CSTPP1: variants seen among roughly 807,000 people sequenced by gnomAD.
The protein encoded by CSTPP1 is centriolar satellite-associated tubulin polyglutamylase complex regulator 1, also known as UPF0705 protein C11orf49.
At chr11:47,041,421 C>T in the CSTPP1 span, 46 of 266,932 alleles carry the variant, frequency 1.7e-4, 8 homozygotes, top group South Asian at 1.2e-3. Context: ...GAGGACAGCA[C>T]GTCTGTGTTC....
the CSTPP1 span, among the ~76,000 whole-genome samples, chr11:47,115,313 A>C: frequency 2.6e-5 from 4 of 152,272 alleles, no homozygotes; most frequent in South Asian, 8.3e-4. Flanking sequence ...TGTCTCTGCC[A>C]GGCTTTGGTA....
the CSTPP1 span, among the ~76,000 whole-genome samples, chr11:47,030,481 A>G: frequency 6.6e-6 from 1 of 152,228 alleles, no homozygotes; most frequent in Non-Finnish European, 1.5e-5. Flanking sequence ...CTATTTATAT[A>G]TAGATCCAGT....
the CSTPP1 span, among the ~76,000 whole-genome samples, chr11:46,974,146 T>A: frequency 6.6e-6 from 1 of 152,098 alleles, no homozygotes; most frequent in African/African-American, 2.4e-5. Flanking sequence ...GGCAGGAGGA[T>A]TCCTTGAGCC....
chr11:46,941,197 G>C, the CSTPP1 span, among the ~76,000 whole-genome samples: 1 of 152,116 alleles, frequency 6.6e-6, no homozygotes, highest in Non-Finnish European at 1.5e-5. Flanking sequence ...CCTCAGCATG[G>C]TCACACCCCT....
chr11:46,979,860 C>T, the CSTPP1 span, among the ~76,000 whole-genome samples: 1 of 152,114 alleles, frequency 6.6e-6, no homozygotes, highest in Admixed American at 6.5e-5. Flanking sequence ...TTGCAGTGAG[C>T]CGCGATCACG....
chr11:47,129,596 T>A, the CSTPP1 span, among the ~76,000 whole-genome samples: 1 of 152,198 alleles, frequency 6.6e-6, no homozygotes, highest in East Asian at 1.9e-4. Context: ...CCCATCGTGA[T>A]GAACAGACCC....
the CSTPP1 span, among the ~76,000 whole-genome samples, chr11:47,124,972 CA>C: frequency 6.6e-6 from 1 of 152,078 alleles, no homozygotes; most frequent in African/African-American, 2.4e-5. Context: ...GATCCTTTAC[CA>C]GGAAACCATA....
chr11:47,117,992 G>A, the CSTPP1 span, among the ~76,000 whole-genome samples: 1 of 145,452 alleles, frequency 6.9e-6, no homozygotes, highest in African/African-American at 2.5e-5. Context: ...CAATTCTCCT[G>A]CCTCAGCCTC....
At chr11:46,949,457 G>C in the CSTPP1 span, among the ~76,000 whole-genome samples, 4 of 151,222 alleles carry the variant, frequency 2.6e-5, no homozygotes, top group Non-Finnish European at 5.9e-5. Flanking sequence ...TTCTTTTCAA[G>C]GGTATATTTA....
the CSTPP1 span, among the ~76,000 whole-genome samples, chr11:47,030,682 C>T: frequency 1.3e-5 from 2 of 152,098 alleles, no homozygotes; most frequent in Non-Finnish European, 2.9e-5. Flanking sequence ...CATCCTCCAC[C>T]CTCCAATAGG....
chr11:47,007,573 T>C, the CSTPP1 span, among the ~76,000 whole-genome samples: 2 of 152,336 alleles, frequency 1.3e-5, no homozygotes, highest in African/African-American at 4.8e-5. Context: ...AAGTCCATAA[T>C]TTATTGTCTG....
At chr11:47,036,034 G>GATATATATATATATATATATAT in the CSTPP1 span, among the ~76,000 whole-genome samples, 10 of 25,376 alleles carry the variant, frequency 3.9e-4, 1 homozygote, top group East Asian at 1.2e-3. Flanking sequence ...GGAGTGAAAA[G>GATATATATATATATATATATAT]ATATATATAT....
At chr11:46,964,251 T>G in the CSTPP1 span, among the ~76,000 whole-genome samples, 1 of 152,094 alleles carries the variant, frequency 6.6e-6, no homozygotes, top group Non-Finnish European at 1.5e-5. Flanking sequence ...CTGAACAATG[T>G]ACAGTTCCAG....
the CSTPP1 span, among the ~76,000 whole-genome samples, chr11:46,999,237 ATAAT>A: frequency 6.6e-6 from 1 of 150,950 alleles, no homozygotes; most frequent in South Asian, 2.1e-4. Context: ...TAATAATATA[ATAAT>A]TATATATTAT....
the CSTPP1 span, among the ~76,000 whole-genome samples, chr11:47,054,928 A>ATTTTTTT: frequency 1.5e-5 from 1 of 68,772 alleles, no homozygotes. Context: ...ATAAATTTCA[A>ATTTTTTT]TTTTTTTTTT....
At chr11:47,084,273 A>G in the CSTPP1 span, among the ~76,000 whole-genome samples, 1 of 152,124 alleles carries the variant, frequency 6.6e-6, no homozygotes, top group Non-Finnish European at 1.5e-5. Context: ...TTTATTATCC[A>G]GTGGTAGGAG....
At chr11:47,070,700 G>A in the CSTPP1 span, among the ~76,000 whole-genome samples, 1 of 152,100 alleles carries the variant, frequency 6.6e-6, no homozygotes, top group East Asian at 1.9e-4. Flanking sequence ...TCTGCAGGTG[G>A]TTCTCATACA....
the CSTPP1 span, among the ~76,000 whole-genome samples, chr11:47,124,732 C>G: frequency 6.6e-6 from 1 of 152,156 alleles, no homozygotes; most frequent in Non-Finnish European, 1.5e-5. Flanking sequence ...CAGACTTTGT[C>G]TTTCAGAATT....
chr11:47,086,687 A>C, the CSTPP1 span, among the ~76,000 whole-genome samples: 2 of 152,206 alleles, frequency 1.3e-5, no homozygotes, highest in South Asian at 4.1e-4. Context: ...TAATTGCTAT[A>C]AGCTAGATTT....
Sources: gnomAD v4.1 joint callset for allele counts (sites outside exome capture counted in the v4.1 genomes callset) on GRCh38, gnomAD v4.1.1 for gene constraint, MANE v1.5 for transcripts, NCBI Gene and HGNC (gene_info 2026-07-23, HGNC 2026-07-21) for gene names.